CPVL: variants seen among roughly 807,000 people sequenced by gnomAD.
The protein encoded by CPVL is carboxypeptidase vitellogenic like.
Under a neutral mutation model 63.7 loss-of-function variants are expected in CPVL, and 51 were observed. That is an observed-to-expected ratio of 0.80 (90% confidence interval 0.64 to 1.01). The LOEUF (loss-of-function observed/expected upper bound fraction) is 1.01, where lower values mean the gene tolerates loss of function less well. Ranked by LOEUF, CPVL falls within the 50% of genes least tolerant of loss-of-function variation. CPVL has a pLI of 0.00. For missense variants in CPVL, 530 were observed against 573.1 expected, an observed-to-expected ratio of 0.92 and a Z score of 0.77; for synonymous variants, 195 against 206.0, an observed-to-expected ratio of 0.95 and a Z score of 0.46.
intron 1 of CPVL, among the ~76,000 whole-genome samples, chr7:29,131,631 T>C (rs768551161): frequency 1.3e-5 from 2 of 152,118 alleles, no homozygotes; most frequent in African/African-American, 4.8e-5. Context: ...TCCCACCTCA[T>C]CCTCCAGAGT....
chr7:29,003,291 G>A (rs890999268), intron 12 of CPVL, among the ~76,000 whole-genome samples: 3 of 152,074 alleles, frequency 2.0e-5, no homozygotes, highest in Non-Finnish European at 2.9e-5. Flanking sequence ...CAAGAAAACT[G>A]ACTATTCAAC....
At chr7:29,155,519 CAT>C (rs991742592) in intron 5 of CPVL, among the ~76,000 whole-genome samples, 3 of 152,160 alleles carry the variant, frequency 2.0e-5, no homozygotes, top group Non-Finnish European at 2.9e-5. Context: ...GATGTTCAAA[CAT>C]GTGTCCAAGA....
At chr7:29,062,576 G>A (rs946779629) in intron 11 of CPVL, among the ~76,000 whole-genome samples, 2 of 152,196 alleles carry the variant, frequency 1.3e-5, no homozygotes, top group African/African-American at 2.4e-5. Context: ...ACTAGAAGCA[G>A]GACCCAGAAA....
At chr7:29,097,058 A>C (rs1039128045) in intron 3 of CPVL, among the ~76,000 whole-genome samples, 22 of 151,844 alleles carry the variant, frequency 1.4e-4, no homozygotes, top group African/African-American at 5.3e-4. Context: ...TGGTGGAAAA[A>C]TGAGGAGGAG....
At chr7:29,110,959 T>C (rs1788168356) in intron 3 of CPVL, among the ~76,000 whole-genome samples, 1 of 152,234 alleles carries the variant, frequency 6.6e-6, no homozygotes. Context: ...AGCCAAGGAA[T>C]GCGAGCAGCC....
chr7:29,063,976 A>T lies in CPVL; in HGVS notation c.1137+85T>A, dbSNP rs1391074945. On this transcript the variant is annotated intron_variant, in intron 11 of 12. Transcript: ENST00000265394. ...ACACATCATAAAAGTTAAAAAAAAA[A>T]AAAAGGCAGGACTCAAATTACAAAT... 3 of 913,270 alleles carry T rather than the reference A, an allele frequency of 3.3e-6. No homozygotes were observed. In the African/African-American group the frequency reaches 5.1e-5, roughly 16 times the overall value. The allele number at this position is 913,270 out of a possible 1,614,324, so 56.6% of individuals were successfully genotyped here. A position where few individuals can be genotyped will look rare whatever the true frequency, so the allele number is the denominator to read the frequency against.
intron 3 of CPVL, among the ~76,000 whole-genome samples, chr7:29,111,737 A>G (rs1201198115): frequency 6.6e-6 from 1 of 152,206 alleles, no homozygotes; most frequent in South Asian, 2.1e-4. Flanking sequence ...AATATAACTC[A>G]ATAGTACCAG....
chr7:29,075,252 C>G (rs1430370469), intron 7 of CPVL, among the ~76,000 whole-genome samples: 1 of 152,144 alleles, frequency 6.6e-6, no homozygotes, highest in Non-Finnish European at 1.5e-5. Flanking sequence ...ATCTGGGTAT[C>G]TGGGATATAT....
intron 5 of CPVL, among the ~76,000 whole-genome samples, chr7:29,152,927 T>C (rs1465743803): frequency 6.6e-6 from 1 of 152,206 alleles, no homozygotes; most frequent in African/African-American, 2.4e-5. Flanking sequence ...CAAGCTTGCT[T>C]CCAGAGCCTG....
At chr7:29,046,567 GCACACACACACACA>G (rs10546847) in intron 11 of CPVL, among the ~76,000 whole-genome samples, 2 of 149,670 alleles carry the variant, frequency 1.3e-5, no homozygotes, top group African/African-American at 4.9e-5. Context: ...GTGCGCGCGT[GCACACACACACACA>G]CACACACACA....
chr7:29,115,042 T>A (rs1449159952), intron 2 of CPVL, among the ~76,000 whole-genome samples: 1 of 152,128 alleles, frequency 6.6e-6, no homozygotes, highest in African/African-American at 2.4e-5. Flanking sequence ...GGGTTTGGAA[T>A]CCTAACTAGA....
chr7:29,077,356 A>G (rs912116811), intron 7 of CPVL, among the ~76,000 whole-genome samples: 6 of 152,166 alleles, frequency 3.9e-5, no homozygotes, highest in African/African-American at 1.4e-4. Flanking sequence ...CTAGGTACAC[A>G]TTTCATGGTG....
intron 7 of CPVL, among the ~76,000 whole-genome samples, chr7:29,082,745 A>C (rs1784856202): frequency 6.6e-6 from 1 of 152,218 alleles, no homozygotes; most frequent in Middle Eastern, 3.2e-3. Context: ...TTCTACACAC[A>C]TTAGGAAATT....
intron 11 of CPVL, among the ~76,000 whole-genome samples, chr7:29,043,297 A>T (rs1234105985): frequency 6.6e-6 from 1 of 151,524 alleles, no homozygotes; most frequent in Non-Finnish European, 1.5e-5. Context: ...AGACAGGAAA[A>T]CCTGGTATCA....
chr7:29,004,896 CTTTTCTTTTTTTT>C (rs1333718990), intron 12 of CPVL, among the ~76,000 whole-genome samples: 1 of 144,852 alleles, frequency 6.9e-6, no homozygotes, highest in African/African-American at 2.6e-5. Context: ...TTTTTCTTTT[CTTTTCTTTTTTTT>C]TTTTTGAGAC....
chr7:29,013,389 T>G (rs1199071838), intron 12 of CPVL: 3 of 151,954 alleles, frequency 2.0e-5, no homozygotes, highest in South Asian at 4.1e-4. Context: ...TGATTTATTA[T>G]TCCATGATAA....
chr7:29,092,754 G>C, intron 5 of CPVL, 52 bp from the exon 6 acceptor site: 1 of 1,280,502 alleles, frequency 7.8e-7, no homozygotes, highest in Non-Finnish European at 1.1e-6. Context: ...ACATGCCTTA[G>C]GGACCTGCAG....
intron 11 of CPVL, among the ~76,000 whole-genome samples, chr7:29,035,509 C>T (rs1196504045): frequency 6.6e-6 from 1 of 152,194 alleles, no homozygotes; most frequent in Non-Finnish European, 1.5e-5. Flanking sequence ...GGTGACATCT[C>T]TTAGTCACCT....
chr7:29,136,044 G>A (rs552082954), intron 1 of CPVL, among the ~76,000 whole-genome samples: 1 of 152,268 alleles, frequency 6.6e-6, no homozygotes, highest in East Asian at 1.9e-4. Flanking sequence ...CCACTAACAG[G>A]GGAACTAGGA....
Sources: gnomAD v4.1 joint callset for allele counts (sites outside exome capture counted in the v4.1 genomes callset) on GRCh38, gnomAD v4.1.1 for gene constraint, MANE v1.5 for transcripts, NCBI Gene and HGNC (gene_info 2026-07-23, HGNC 2026-07-21) for gene names.